WWOX: variants seen among roughly 807,000 people sequenced by gnomAD.
The protein encoded by WWOX is WW domain containing oxidoreductase.
Under a neutral mutation model 46.2 loss-of-function variants are expected in WWOX, and 69 were observed. That is an observed-to-expected ratio of 1.49 (90% CI 1.23 to 1.82). The LOEUF (loss-of-function observed/expected upper bound fraction) is 1.82. Ranked by LOEUF, WWOX falls within the 40% of genes most tolerant of loss-of-function variation. The probability of loss-of-function intolerance (pLI) is 0.00; values close to 1 mark genes in which losing one functional copy is unlikely to be tolerated. For missense variants in WWOX, 919 were observed against 542.6 expected (o/e 1.69, Z -6.89); for synonymous variants, 359 against 202.6 (o/e 1.77, Z -6.56).
chr16:78,104,265 C>CACACAT (rs1212231042), intron 1 of WWOX, among the ~76,000 whole-genome samples: 3 of 150,902 alleles, frequency 2.0e-5, no homozygotes, highest in Non-Finnish European at 4.4e-5. Context: ...CACACACACA[C>CACACAT]ACACACTGGC....
At chr16:78,953,616 C>T (rs2046107040) in intron 8 of WWOX, among the ~76,000 whole-genome samples, 1 of 152,192 alleles carries the variant, frequency 6.6e-6, no homozygotes. Context: ...ATGCCCAGCT[C>T]AGCCCAGTGG....
At chr16:78,255,374 A>T (rs537750239) in intron 5 of WWOX, among the ~76,000 whole-genome samples, 2 of 152,358 alleles carry the variant, frequency 1.3e-5, no homozygotes, top group East Asian at 1.9e-4. Flanking sequence ...CTTGGAAGAC[A>T]CTAAGAAACT....
intron 5 of WWOX, among the ~76,000 whole-genome samples, chr16:78,230,491 A>G (rs894780708): frequency 1.3e-5 from 2 of 152,198 alleles, no homozygotes; most frequent in African/African-American, 4.8e-5. Flanking sequence ...AAAGTAAACT[A>G]AAATTGCATT....
At chr16:78,731,546 C>T (rs531649865) in intron 8 of WWOX, among the ~76,000 whole-genome samples, 1 of 152,202 alleles carries the variant, frequency 6.6e-6, no homozygotes, top group South Asian at 2.1e-4. Context: ...CTTATCTATC[C>T]CTTTCTTACC....
rs367974051 is a variant in WWOX, at chr16:78,942,792, C to T, written c.1057-268816C>T. ...AACATGAGCAAGAAATTGAGAAATCCGTTCATGCACTTCTCTCTGGTTTCC... is the reference window on the plus strand; with the variant it reads ...AACATGAGCAAGAAATTGAGAAATCTGTTCATGCACTTCTCTCTGGTTTCC... On this transcript the variant is annotated intron_variant, in intron 8 of 8. Transcript: ENST00000566780. Among the ~76,000 whole-genome samples the T allele has an allele frequency of 4.1e-4, 62 of 152,254 alleles. No homozygotes were observed. In the South Asian group the frequency reaches 6.6e-3, roughly 16 times the overall value.
chr16:78,680,449 G>T (rs778780113), intron 8 of WWOX, among the ~76,000 whole-genome samples: 5 of 152,066 alleles, frequency 3.3e-5, no homozygotes, highest in African/African-American at 1.2e-4. Flanking sequence ...TGGGAGGATC[G>T]CTTGAGCCCC....
chr16:78,336,027 T>G (rs948409133), intron 5 of WWOX, among the ~76,000 whole-genome samples: 2 of 151,552 alleles, frequency 1.3e-5, no homozygotes, highest in African/African-American at 4.8e-5. Context: ...GGGAGGCAGA[T>G]GTTGCAGTGA....
chr16:78,584,727 G>T (rs770135238), intron 8 of WWOX, among the ~76,000 whole-genome samples: 1 of 152,210 alleles, frequency 6.6e-6, no homozygotes, highest in Non-Finnish European at 1.5e-5. Flanking sequence ...TTACCAGGGG[G>T]TGGTGATCTT....
At chr16:79,054,532 G>T (rs1031923675) in intron 8 of WWOX, among the ~76,000 whole-genome samples, 55 of 152,316 alleles carry the variant, frequency 3.6e-4, no homozygotes, top group Middle Eastern at 6.8e-3. Flanking sequence ...GATTTTAAAA[G>T]AGTGATGGGT....
intron 8 of WWOX, chr16:79,106,706 C>T (rs2049315599): frequency 6.9e-6 from 1 of 144,096 alleles, no homozygotes; most frequent in Non-Finnish European, 1.5e-5. Flanking sequence ...GCTCAAGCAA[C>T]TCTCCTGCCT....
At chr16:78,905,982 C>A (rs1262235821) in intron 8 of WWOX, among the ~76,000 whole-genome samples, 4 of 152,162 alleles carry the variant, frequency 2.6e-5, no homozygotes, top group Admixed American at 2.0e-4. Context: ...TGCATGCTTG[C>A]CACTTAGTAA....
At chr16:78,514,161 T>TA (rs2085432254) in intron 8 of WWOX, among the ~76,000 whole-genome samples, 1 of 152,152 alleles carries the variant, frequency 6.6e-6, no homozygotes, top group South Asian at 2.1e-4. Flanking sequence ...GAAAAAAACT[T>TA]AGAGAGTGAC....
Position 78,212,017 on chromosome 16 carries a change from C to T in WWOX, c.516+47728C>T, listed in dbSNP as rs1455922314. ...ATCATGGGAGCTCTATTTATTTGAA[C>T]ATCTTCTTTTGTTATTATTTGGTGT... On this transcript the variant is annotated intron_variant, in intron 5 of 8. Transcript: ENST00000566780. Among the ~76,000 whole-genome samples the T allele has an allele frequency of 4.6e-5, 7 of 152,258 alleles. No individual in the cohort carries two copies. In the South Asian group the frequency reaches 6.2e-4, roughly 14 times the overall value.
Position 79,195,548 on chromosome 16 carries a change from A to C in WWOX, c.1057-16060A>C, listed in dbSNP as rs2051223030. On this transcript the variant is annotated intron_variant, in intron 8 of 8. Coordinates refer to ENST00000566780, the MANE Select transcript of WWOX (RefSeq NM_016373.4). ...GAATGGGGGATCTCAGCAGCACACT[A>C]CAATATCCACTACAGTTTCTTGGGC... Among the ~76,000 whole-genome samples, 2 of 152,134 alleles carry C rather than the reference A, an allele frequency of 1.3e-5. 1 individual carries two copies. Among genetic ancestry groups the C allele is most frequent in the Non-Finnish European group, 2.9e-5 (2 of 68,028 alleles).
At chr16:78,585,951 G>A (rs1216668107) in intron 8 of WWOX, among the ~76,000 whole-genome samples, 1 of 151,996 alleles carries the variant, frequency 6.6e-6, no homozygotes, top group Non-Finnish European at 1.5e-5. Flanking sequence ...AATCCCAGCA[G>A]TTTTGGAGGC....
intron 8 of WWOX, among the ~76,000 whole-genome samples, chr16:78,471,801 G>A (rs976174215): frequency 1.3e-5 from 2 of 152,164 alleles, no homozygotes; most frequent in Admixed American, 6.5e-5. Context: ...TCCATGCCAA[G>A]GAGTGGTGTC....
intron 8 of WWOX, among the ~76,000 whole-genome samples, chr16:78,685,852 G>A (rs2047843005): frequency 1.3e-5 from 2 of 148,934 alleles, no homozygotes; most frequent in Admixed American, 1.4e-4. Context: ...TTGAGGGAAA[G>A]ATCTGAGAGC....
At chr16:78,873,941 G>C (rs2044180492) in intron 8 of WWOX, among the ~76,000 whole-genome samples, 1 of 152,006 alleles carries the variant, frequency 6.6e-6, no homozygotes, top group Non-Finnish European at 1.5e-5. Context: ...CATTGAAAAT[G>C]TGTAACTACC....
chr16:78,780,493 G>A (rs2050298300), intron 8 of WWOX: 1 of 152,178 alleles, frequency 6.6e-6, no homozygotes, highest in Non-Finnish European at 1.5e-5. Flanking sequence ...GTGATGCGGG[G>A]GAAGAAGACA....
Sources: gnomAD v4.1 joint callset for allele counts (sites outside exome capture counted in the v4.1 genomes callset) on GRCh38, gnomAD v4.1.1 for gene constraint, MANE v1.5 for transcripts, NCBI Gene and HGNC (gene_info 2026-07-23, HGNC 2026-07-21) for gene names.